The following PHF20 variants were observed in gnomAD, a reference collection of about 807,000 sequenced individuals.
PHF20 encodes PHD finger protein 20.
A neutral mutation model predicts 113.5 loss-of-function variants in PHF20; 23 were observed. The ratio of observed to expected loss-of-function variants is 0.20; its 90% CI spans 0.15 to 0.29. The LOEUF (loss-of-function observed/expected upper bound fraction) is 0.29. PHF20 is among the 10% of genes least tolerant of loss of function. The pLI, the probability that PHF20 is intolerant of heterozygous loss-of-function variation, is 1.00. For missense variants in PHF20, 943 were observed against 1,219.6 expected, an observed-to-expected ratio of 0.77 and a Z score of 3.38; for synonymous variants, 434 against 457.3, an observed-to-expected ratio of 0.95 and a Z score of 0.65.
intron 1 of PHF20, among the ~76,000 whole-genome samples, chr20:35,783,802 A>G (rs1259175460): frequency 6.6e-6 from 1 of 151,554 alleles, no homozygotes; most frequent in Non-Finnish European, 1.5e-5. Flanking sequence ...ACCAACATGG[A>G]GAAACCCCAT....
chr20:35,895,976 C>T (rs534663892), intron 9 of PHF20, among the ~76,000 whole-genome samples: 2 of 152,196 alleles, frequency 1.3e-5, no homozygotes, highest in Admixed American at 6.5e-5. Flanking sequence ...CGTGAGCCAT[C>T]GCGCCTGGCC....
At chr20:35,803,212 A>G (rs1219671423) in intron 2 of PHF20, among the ~76,000 whole-genome samples, 2 of 150,558 alleles carry the variant, frequency 1.3e-5, no homozygotes, top group Non-Finnish European at 3.0e-5. Flanking sequence ...AGATCGCGCC[A>G]CTGCACTCCA....
chr20:35,834,286 CTT>C (rs1275045307), intron 2 of PHF20, among the ~76,000 whole-genome samples: 1 of 128,312 alleles, frequency 7.8e-6, no homozygotes, highest in Non-Finnish European at 1.6e-5. Flanking sequence ...GAGTTTCGCT[CTT>C]GTTTCCCAGT....
chr20:35,899,721 C>T, intron 10 of PHF20, 73 bp downstream of exon 10: 1 of 1,473,650 alleles, frequency 6.8e-7, no homozygotes, highest in Admixed American at 1.9e-5. Flanking sequence ...TTTTCTGACA[C>T]ACAAAGCAGG....
intron 2 of PHF20, among the ~76,000 whole-genome samples, chr20:35,817,759 G>A (rs1464841455): frequency 6.6e-6 from 1 of 151,954 alleles, no homozygotes; most frequent in East Asian, 1.9e-4. Context: ...TCGTGCCACT[G>A]CATTCCATCC....
At chr20:35,786,052 A>G (rs970673813) in intron 1 of PHF20, among the ~76,000 whole-genome samples, 1 of 150,988 alleles carries the variant, frequency 6.6e-6, no homozygotes, top group African/African-American at 2.4e-5. Flanking sequence ...AAAACAAAAA[A>G]AAAAACAAAT....
At chr20:35,864,369 C>T (rs565309413) in intron 6 of PHF20, among the ~76,000 whole-genome samples, 7 of 150,104 alleles carry the variant, frequency 4.7e-5, no homozygotes, top group Non-Finnish European at 1.0e-4. Flanking sequence ...CCAAGAATTC[C>T]AAACCAGCCT....
chr20:35,827,131 C>T (rs747527809), intron 2 of PHF20, among the ~76,000 whole-genome samples: 54 of 151,774 alleles, frequency 3.6e-4, no homozygotes, highest in Non-Finnish European at 6.3e-4. Context: ...GATTTTTTTT[C>T]GCTCTTGTCG....
At chr20:35,775,789 C>T (rs1244354777) in intron 1 of PHF20, among the ~76,000 whole-genome samples, 1 of 149,936 alleles carries the variant, frequency 6.7e-6, no homozygotes, top group Non-Finnish European at 1.5e-5. Flanking sequence ...AAAACTTCTC[C>T]AGGAGTTTGG....
At chr20:35,775,438 A>G (rs1186805840) in intron 1 of PHF20, among the ~76,000 whole-genome samples, 2 of 152,068 alleles carry the variant, frequency 1.3e-5, no homozygotes, top group East Asian at 3.9e-4. Context: ...TCAATTAGTT[A>G]TTCTAGCACA....
At chr20:35,857,562 CTT>C (rs56655276) in intron 4 of PHF20, among the ~76,000 whole-genome samples, 249 of 99,630 alleles carry the variant, frequency 2.5e-3, no homozygotes, top group Admixed American at 4.9e-3. Context: ...AATGATGTTC[CTT>C]TTTTTTTTTT....
intron 1 of PHF20, among the ~76,000 whole-genome samples, chr20:35,787,961 A>G (rs1302650214): frequency 6.6e-6 from 1 of 150,844 alleles, no homozygotes; most frequent in Non-Finnish European, 1.5e-5. Flanking sequence ...TGTTTTTAGT[A>G]GAGTCAGGGT....
chr20:35,894,264 A>G (rs961263234), intron 9 of PHF20, among the ~76,000 whole-genome samples: 1 of 152,254 alleles, frequency 6.6e-6, no homozygotes, highest in Non-Finnish European at 1.5e-5. Context: ...TTCCAGAAAT[A>G]ACATAAGCCT....
At chr20:35,939,332 T>C (rs1269791128) in intron 16 of PHF20, among the ~76,000 whole-genome samples, 1 of 151,596 alleles carries the variant, frequency 6.6e-6, no homozygotes, top group Non-Finnish European at 1.5e-5. Context: ...CATAGTCAAG[T>C]GTGGCACGTG....
chr20:35,810,765 A>T (rs2041962831), intron 2 of PHF20, among the ~76,000 whole-genome samples: 1 of 152,214 alleles, frequency 6.6e-6, no homozygotes, highest in Non-Finnish European at 1.5e-5. Flanking sequence ...CATTCTGATT[A>T]TGTTCACCTG....
intron 2 of PHF20, among the ~76,000 whole-genome samples, chr20:35,811,036 G>T (rs561443661): frequency 2.6e-5 from 4 of 151,836 alleles, no homozygotes; most frequent in Non-Finnish European, 5.9e-5. Context: ...TGGGAATTAG[G>T]TTCCACTTTT....
intron 9 of PHF20, among the ~76,000 whole-genome samples, chr20:35,892,018 C>T (rs973169791): frequency 4.0e-5 from 6 of 151,208 alleles, no homozygotes; most frequent in South Asian, 2.1e-4. Flanking sequence ...TACAGGCATC[C>T]GCCACCACCC....
In PHF20 at chr20:35,940,876, G is replaced by A; in HGVS notation, c.2725G>A (p.Val909Ile). The stretch of plus-strand genomic sequence containing the variant: ...ATTGCATCCCCAGGTGAAGGAATAT[G>A]TCTCCAAAAAGGCCCTACCAGAAGA... Reference protein sequence around the residue: ...KPGSPKVKEYVSKKALPEEAP... With the variant: ...KPGSPKVKEYISKKALPEEAP... The change falls in exon 17 of 18, where the codon GTC becomes ATC. Residue 909 changes from valine (V) to isoleucine (I), a missense_variant. Val to Ile is a conservative substitution (Grantham distance 29). Coordinates refer to ENST00000374012, the MANE Select transcript of PHF20 (RefSeq NM_016436.5). The A allele has an allele frequency of 1.2e-6, 2 of 1,613,266 alleles. No individual in the cohort carries two copies. Among genetic ancestry groups the A allele is most frequent in the Non-Finnish European group, 1.7e-6 (2 of 1,179,648 alleles).
chr20:35,885,057 C>T (rs2054702054), intron 9 of PHF20, among the ~76,000 whole-genome samples: 1 of 152,186 alleles, frequency 6.6e-6, no homozygotes, highest in Non-Finnish European at 1.5e-5. Context: ...TGGTCTCGAA[C>T]TCCTGACCTC....
Sources: allele counts gnomAD v4.1 joint callset (sites outside exome capture counted in the v4.1 genomes callset), GRCh38; gene constraint gnomAD v4.1.1; transcripts MANE v1.5; gene names NCBI Gene and HGNC (gene_info 2026-07-23, HGNC 2026-07-21).